The following FREM1 variants were observed in gnomAD, a reference collection of about 807,000 sequenced individuals.
FREM1 encodes FRAS1 related extracellular matrix 1, also known as FRAS1-related extracellular matrix protein 1.
FREM1 carries 220 observed loss-of-function variants against 210.1 expected under a neutral mutation model. That is an observed-to-expected ratio of 1.05 (90% CI 0.94 to 1.17). FREM1 has a LOEUF of 1.17. Among genes scored for constraint, FREM1 ranks in the 50% most tolerant of loss-of-function variants. The probability of loss-of-function intolerance (pLI) is 0.00; values close to 1 mark genes in which losing one functional copy is unlikely to be tolerated. For synonymous variants in FREM1, 1,189 were observed against 980.2 expected (o/e 1.21, Z -3.98); for missense variants, 3,454 against 2,675.5 (o/e 1.29, Z -6.42).
chr9:14,768,318 G>GTTTTTTTTT (rs59443247), intron 27 of FREM1, among the ~76,000 whole-genome samples: 1 of 134,146 alleles, frequency 7.5e-6, no homozygotes, highest in African/African-American at 2.7e-5. Flanking sequence ...TTTGGAGCAG[G>GTTTTTTTTT]TTTTTTTTTT....
Position 14,861,114 on chromosome 9 carries a change from TATATACATATATACAC to T in FREM1, c.330-1646_330-1631del, listed in dbSNP as rs1478197252. 1.8e-3 allele frequency among the ~76,000 whole-genome samples: 188 copies of T among 106,836 alleles called. 7 individuals carry two copies. The highest frequency in any genetic ancestry group is 0.012 in the East Asian group (41 of 3,424). 70.1% of individuals were successfully genotyped at this position (106,836 alleles called of 152,430 possible). A position where few individuals can be genotyped will look rare whatever the true frequency, so the allele number is the denominator to read the frequency against. The stretch of plus-strand genomic sequence containing the variant: ...ATATATATAAACATATATACACATA[TATATACATATATACAC>T]ATATATACATATATACACATATATA... On this transcript the variant is annotated intron_variant, in intron 3 of 36. Transcript: ENST00000380880.
chr9:14,777,896 A>G (rs576644094), intron 24 of FREM1, among the ~76,000 whole-genome samples: 107 of 152,292 alleles, frequency 7.0e-4, no homozygotes, highest in African/African-American at 2.5e-3. Flanking sequence ...AGTTTGGCTG[A>G]GTACTGATAT....
Position 14,740,234 on chromosome 9 carries a change from T to C in FREM1, c.6255A>G (p.Gln2085=), listed in dbSNP as rs760536472. 1.2e-6 allele frequency: 2 copies of C among 1,610,180 alleles called. No individual in the cohort carries two copies. The highest frequency in any genetic ancestry group is 2.2e-5 in the South Asian group (2 of 90,858). ...ATACAGTTACAAGGTTGCCCAGGTA[T>C]CTAAATGCAAATGAAAATGAGAGTA... ...WNAAAQACRE[Q]YLGNLVTVFS... is the part of the protein sequence containing the mutation. The change falls in exon 36 of 37, where the codon CAA becomes CAG. Residue 2085 remains glutamine (Q), a splice_region_variant and synonymous_variant. Transcript: ENST00000380880.
chr9:14,774,038 A>G (rs775426637), intron 25 of FREM1: 15 of 505,818 alleles, frequency 3.0e-5, no homozygotes, highest in Middle Eastern at 3.3e-4. Context: ...AATAAAAACA[A>G]TAATTTTAAT....
intron 25 of FREM1, chr9:14,773,978 A>G (rs747942891): frequency 6.7e-6 from 3 of 449,378 alleles, no homozygotes; most frequent in Non-Finnish European, 1.3e-5. Flanking sequence ...AAAAGACACT[A>G]ACAGACTGAA....
At chr9:14,854,907 AG>A (rs1480122863) in intron 5 of FREM1, among the ~76,000 whole-genome samples, 3 of 152,098 alleles carry the variant, frequency 2.0e-5, no homozygotes, top group Admixed American at 6.5e-5. Flanking sequence ...AACCTATAAA[AG>A]AACCTTTGTT....
In FREM1 at chr9:14,823,273, G is replaced by A. The variant is rs747559553; in HGVS notation, c.2224C>T (p.Pro742Ser). The A allele has an allele frequency of 1.2e-6, 2 of 1,613,946 alleles. No homozygotes were observed. Among genetic ancestry groups the A allele is most frequent in the Non-Finnish European group, 1.7e-6 (2 of 1,179,830 alleles). ...AYMPPMQDIG[P>S]HCRDVQFTFS... Reference sequence around the variant, plus strand: ...GTGAACTGGACATCTCTGCAATGGGGACCAATGTCTTGCATGGGGGGCATG... The same window carrying A: ...GTGAACTGGACATCTCTGCAATGGGAACCAATGTCTTGCATGGGGGGCATG... Residue 742 changes from proline (P) to serine (S), a missense_variant, in exon 13 of 37, where the codon CCC (proline) becomes TCC (serine). Transcript: ENST00000380880.
chr9:14,754,135 C>T (rs1003619408), intron 29 of FREM1, among the ~76,000 whole-genome samples: 3 of 152,180 alleles, frequency 2.0e-5, no homozygotes, highest in African/African-American at 7.2e-5. Flanking sequence ...AAAATTACTC[C>T]TGATCTTGTA....
At chr9:14,802,987 TTCCC>T (rs558730754) in intron 19 of FREM1, among the ~76,000 whole-genome samples, 9 of 151,418 alleles carry the variant, frequency 5.9e-5, no homozygotes, top group Admixed American at 2.0e-4. Flanking sequence ...TCCTTCCTCT[TTCCC>T]TCCCTCCCTC....
chr9:14,765,860 G>A (rs932254120), intron 27 of FREM1, among the ~76,000 whole-genome samples: 2 of 152,170 alleles, frequency 1.3e-5, no homozygotes, highest in Non-Finnish European at 2.9e-5. Context: ...TTTCTCCAGT[G>A]GGCACAAGAA....
chr9:14,825,548 T>TGTATATATATAC (rs1554685284), intron 10 of FREM1, among the ~76,000 whole-genome samples: 10 of 43,302 alleles, frequency 2.3e-4, no homozygotes, highest in African/African-American at 7.2e-4. Context: ...TGTGTGTGTG[T>TGTATATATATAC]ATATATATAT....
Position 14,801,874 on chromosome 9 carries a change from C to T in FREM1, c.3472G>A (p.Val1158Met), listed in dbSNP as rs1361472840. 1 of 1,605,938 alleles carries T rather than the reference C, an allele frequency of 6.2e-7. No homozygotes were observed. The highest frequency in any genetic ancestry group is 1.7e-5 in the Admixed American group (1 of 59,504). ...APDFVVQNITVCEGQMKELDS... is the reference protein window; with the variant it reads ...APDFVVQNITMCEGQMKELDS... ...AGCTCTTTCATCTGACCCTCACACA[C>T]CTGAGCAAGAACACATGAGAAAAGT... Residue 1158 changes from valine to methionine, a missense_variant and splice_region_variant, in exon 20 of 37, where the codon GTG (valine) becomes ATG (methionine). Transcript: ENST00000380880.
intron 2 of FREM1, 105 bp from the exon 3 acceptor site, chr9:14,864,008 T>A (rs905817625): frequency 4.3e-6 from 3 of 704,684 alleles, no homozygotes; most frequent in Admixed American, 4.1e-5. Flanking sequence ...CTGTTAGTAA[T>A]GTGTGTATGT....
intron 24 of FREM1, chr9:14,779,371 C>G: frequency 5.4e-6 from 2 of 369,208 alleles, no homozygotes; most frequent in Non-Finnish European, 7.5e-6. Context: ...AGACATTGTG[C>G]ACTATTAAAA....
chr9:14,740,298 G>A, intron 35 of FREM1, 64 bp from the exon 36 acceptor site: 1 of 1,197,914 alleles, frequency 8.3e-7, no homozygotes, highest in Non-Finnish European at 1.2e-6. Context: ...GATACGAAAT[G>A]CATAACAGAA....
At chr9:14,801,525 C>T in intron 20 of FREM1, 127 bp downstream of exon 20, 1 of 681,332 alleles carries the variant, frequency 1.5e-6, no homozygotes, top group South Asian at 2.1e-5. Flanking sequence ...CTCCCACCCT[C>T]AGCCTCTAGT....
Position 14,750,109 on chromosome 9 carries a change from T to G in FREM1, c.5557+18A>C, listed in dbSNP as rs756105310. On this transcript the variant is annotated intron_variant, in intron 30 of 36. Transcript: ENST00000380880. Reference sequence around the variant, plus strand: ...GCCAGGACCGCTCCTGATTTCAAGATGAGGATCAAAAGAATACCTCCTTTT... The same window carrying G: ...GCCAGGACCGCTCCTGATTTCAAGAGGAGGATCAAAAGAATACCTCCTTTT... 3 of 1,612,594 alleles carry G rather than the reference T, an allele frequency of 1.9e-6. No individual in the cohort carries two copies. The highest frequency in any genetic ancestry group is 4.5e-5 in the East Asian group (2 of 44,854).
intron 1 of FREM1, among the ~76,000 whole-genome samples, chr9:14,889,093 C>A (rs2132330749): frequency 6.6e-6 from 1 of 152,228 alleles, no homozygotes; most frequent in South Asian, 2.1e-4. Flanking sequence ...CATCTCACTG[C>A]TACATTGAAG....
At chr9:14,853,347 T>C (rs890713733) in intron 5 of FREM1, among the ~76,000 whole-genome samples, 1 of 152,126 alleles carries the variant, frequency 6.6e-6, no homozygotes, top group Non-Finnish European at 1.5e-5. Context: ...GAGTGCACTC[T>C]TGAGAGGACA....
Sources: gnomAD v4.1 joint callset for allele counts (sites outside exome capture counted in the v4.1 genomes callset) on GRCh38, gnomAD v4.1.1 for gene constraint, MANE v1.5 for transcripts, NCBI Gene and HGNC (gene_info 2026-07-23, HGNC 2026-07-21) for gene names.